Variants in CAMK2G observed in about 807,000 individuals in gnomAD.
The protein encoded by CAMK2G is calcium/calmodulin-dependent protein kinase type II subunit gamma.
A neutral mutation model predicts 88.7 loss-of-function variants in CAMK2G; 23 were observed. That is an observed-to-expected ratio of 0.26 (90% CI 0.19 to 0.37). The LOEUF is 0.37. Ranked by LOEUF, CAMK2G falls within the 10% of genes least tolerant of loss-of-function variation. The pLI is 1.00. For missense variants in CAMK2G, 476 were observed against 780.8 expected (o/e 0.61, Z 4.65); for synonymous variants, 263 against 294.8 (o/e 0.89, Z 1.11).
At chr10:73,857,185 C>T (rs993169792) in intron 3 of CAMK2G, among the ~76,000 whole-genome samples, 2 of 152,210 alleles carry the variant, frequency 1.3e-5, no homozygotes, top group Non-Finnish European at 2.9e-5. Context: ...GGGTACTGGG[C>T]TCAAGGGTAA....
At position 73,839,936 on chromosome 10, in the gene CAMK2G, C is replaced by T. The variant is rs530222708; in HGVS notation, c.947-335G>A. Among the ~76,000 whole-genome samples the T allele has an allele frequency of 3.3e-5, 5 of 152,284 alleles. No individual in the cohort carries two copies. The highest frequency in any genetic ancestry group is 7.2e-5 in the African/African-American group (3 of 41,562). On this transcript the variant is annotated intron_variant, in intron 12 of 22. Transcript: ENST00000423381. This position sits in a 1 kb window ranked among gnomAD's most constrained non-coding sequence, Gnocchi z 4.2. ...GGCAGGTGCCCCTTCTGAGGTAGCCCGGCCCTAGCTTAAGGCTGTGATGAA... is the reference window on the plus strand; with the variant it reads ...GGCAGGTGCCCCTTCTGAGGTAGCCTGGCCCTAGCTTAAGGCTGTGATGAA...
At chr10:73,874,265 G>A in intron 1 of CAMK2G, 132 bp downstream of exon 1, 2 of 440,546 alleles carry the variant, frequency 4.5e-6, no homozygotes, top group Non-Finnish European at 7.1e-6. Flanking sequence ...CGAAGGCGGC[G>A]GGCGGGAAAG....
intron 2 of CAMK2G, among the ~76,000 whole-genome samples, chr10:73,868,894 C>T (rs971811608): frequency 1.3e-5 from 2 of 152,194 alleles, no homozygotes; most frequent in Non-Finnish European, 2.9e-5. Context: ...CTTCTGGTGG[C>T]CAACATGCCA....
At chr10:73,872,589 A>G (rs1337377529) in intron 2 of CAMK2G, among the ~76,000 whole-genome samples, 7 of 152,060 alleles carry the variant, frequency 4.6e-5, no homozygotes, top group Non-Finnish European at 2.9e-5. Flanking sequence ...CTGCATTTCC[A>G]TCCTAAGTCA....
At chr10:73,844,171 C>T (rs1310382787) in intron 10 of CAMK2G, among the ~76,000 whole-genome samples, 3 of 152,020 alleles carry the variant, frequency 2.0e-5, no homozygotes, top group Non-Finnish European at 2.9e-5. Flanking sequence ...TGGCTTACTG[C>T]AACCTCCACC....
At chr10:73,861,736 GT>G (rs2095388053) in intron 2 of CAMK2G, among the ~76,000 whole-genome samples, 1 of 152,156 alleles carries the variant, frequency 6.6e-6, no homozygotes, top group Non-Finnish European at 1.5e-5. Flanking sequence ...CTGGCTAGGG[GT>G]TTTGCATATA....
At position 73,849,461 on chromosome 10, in the gene CAMK2G, C is replaced by T. The variant is rs184381457; in HGVS notation, c.342-128G>A. 421 of 656,926 alleles carry T rather than the reference C, an allele frequency of 6.4e-4. No homozygotes were observed. The African/African-American group carries it at 6.6e-3, about 10-fold the overall frequency. The allele number at this position is 656,926 out of a possible 1,614,324, so 40.7% of individuals were successfully genotyped here. On this transcript the variant is annotated intron_variant, in intron 5 of 22. Coordinates refer to ENST00000423381, the MANE Select transcript of CAMK2G (RefSeq NM_001367534.1). The stretch of plus-strand genomic sequence containing the variant: ...GATTCACAGAGAATCACTTAACGGC[C>T]ACTGGAACCTTAGACTCTGCACATC...
intron 14 of CAMK2G, among the ~76,000 whole-genome samples, chr10:73,830,479 T>A (rs1565255810): frequency 6.6e-6 from 1 of 152,234 alleles, no homozygotes; most frequent in African/African-American, 2.4e-5. Context: ...CACTTTTACT[T>A]AAAAACTGTA....
chr10:73,861,448 T>C (rs2095369130), intron 2 of CAMK2G, among the ~76,000 whole-genome samples: 1 of 152,144 alleles, frequency 6.6e-6, no homozygotes, highest in South Asian at 2.1e-4. Context: ...CTTCGCCTCC[T>C]GGGTTCAAGC....
intron 2 of CAMK2G, among the ~76,000 whole-genome samples, chr10:73,864,658 T>G (rs2095515808): frequency 6.6e-6 from 1 of 152,072 alleles, no homozygotes; most frequent in African/African-American, 2.4e-5. Context: ...TTTGCTTTTT[T>G]TTGAGATGGA....
At chr10:73,845,135 G>A (rs1322083829) in intron 10 of CAMK2G, among the ~76,000 whole-genome samples, 1 of 152,128 alleles carries the variant, frequency 6.6e-6, no homozygotes, top group Non-Finnish European at 1.5e-5. Context: ...ATAGGAAGAG[G>A]CTATTTCTAC....
At chr10:73,856,873 G>A (rs954091931) in intron 3 of CAMK2G, among the ~76,000 whole-genome samples, 2 of 152,330 alleles carry the variant, frequency 1.3e-5, no homozygotes, top group Non-Finnish European at 2.9e-5. Context: ...CCCAAATGTT[G>A]TGGCTATTTC....
chr10:73,865,440 C>T (rs568849446), intron 2 of CAMK2G, among the ~76,000 whole-genome samples: 56 of 152,350 alleles, frequency 3.7e-4, no homozygotes, highest in African/African-American at 1.3e-3. Context: ...CCGCTCTCCC[C>T]GTTCCTGCTG....
intron 21 of CAMK2G, chr10:73,816,004 C>T: frequency 1.0e-6 from 1 of 984,982 alleles, no homozygotes; most frequent in Non-Finnish European, 1.2e-6. Flanking sequence ...ACTTAGATAA[C>T]AGAGAGTTTA....
Position 73,815,104 on chromosome 10 carries a change from C to G in CAMK2G, c.1678G>C (p.Glu560Gln). 6.2e-7 allele frequency: 1 copy of G among 1,614,262 alleles called. No individual in the cohort carries two copies. The highest frequency in any genetic ancestry group is 8.5e-7 in the Non-Finnish European group (1 of 1,180,044). The change falls in exon 22 of 23, where the codon GAA becomes CAA. Residue 560 changes from glutamate (E) to glutamine (Q), a missense_variant. Transcript: ENST00000423381. ...CGACGGTGCCAGACCCGGGTCTCTT[C>G]TGACTGGCTGGTGCGAGGCCGACCC... The part of the protein sequence containing the change: ...GQGRPRTSQS[E>Q]ETRVWHRRDG...
chr10:73,859,248 G>A (rs750320208), intron 3 of CAMK2G, among the ~76,000 whole-genome samples: 9 of 152,320 alleles, frequency 5.9e-5, no homozygotes, highest in Admixed American at 1.3e-4. Context: ...GCTCATAGTG[G>A]GTGACAAGGA....
Position 73,848,806 on chromosome 10 carries a change from T to C in CAMK2G, c.518-197A>G, listed in dbSNP as rs746424036. 6.6e-6 allele frequency among the ~76,000 whole-genome samples: 1 copy of C among 152,254 alleles called. No individual in the cohort carries two copies. Among genetic ancestry groups the C allele is most frequent in the Non-Finnish European group, 1.5e-5 (1 of 68,046 alleles). On this transcript the variant is annotated intron_variant, in intron 7 of 22. Transcript: ENST00000423381. This position sits in a 1 kb window ranked among gnomAD's most constrained non-coding sequence, Gnocchi z 4.5. ...GAACCAGACGGCAAAGCCGTATGCC[T>C]ACCAGGAACTCCAGCTCCTTCCCAC...
chr10:73,838,830 C>T (rs910801534), intron 13 of CAMK2G, among the ~76,000 whole-genome samples: 13 of 152,186 alleles, frequency 8.5e-5, no homozygotes, highest in Non-Finnish European at 1.5e-4. Flanking sequence ...TACTACCTAT[C>T]TTATCCCTAA....
intron 2 of CAMK2G, among the ~76,000 whole-genome samples, chr10:73,863,687 C>T (rs2095475966): frequency 6.6e-6 from 1 of 152,252 alleles, no homozygotes; most frequent in African/African-American, 2.4e-5. Context: ...CTAATGGTTA[C>T]AGTCCCACAA....
Sources: gnomAD v4.1 joint callset for allele counts (sites outside exome capture counted in the v4.1 genomes callset) on GRCh38, gnomAD v4.1.1 for gene constraint, Gnocchi (gnomAD v3.1) non-coding constraint, MANE v1.5 for transcripts, NCBI Gene and HGNC (gene_info 2026-07-23, HGNC 2026-07-21) for gene names.